AJAP1: variants seen among roughly 807,000 people sequenced by gnomAD.
AJAP1 encodes adherens junctions associated protein 1, also known as adherens junction-associated protein 1.
AJAP1 carries 5 observed loss-of-function variants against 35.0 expected under a neutral mutation model. The ratio of observed to expected loss-of-function variants is 0.14; its 90% CI spans 0.07 to 0.30. AJAP1 has a LOEUF of 0.30. Among genes scored for constraint, AJAP1 ranks in the 10% least tolerant of loss-of-function variants. The pLI is 1.00. For missense variants in AJAP1, 586 were observed against 571.0 expected, an observed-to-expected ratio of 1.03 and a Z score of -0.27; for synonymous variants, 284 against 249.3, an observed-to-expected ratio of 1.14 and a Z score of -1.31.
At position 4,712,332 on chromosome 1, in the gene AJAP1, G is replaced by A. The variant is rs765757243; in HGVS notation, c.462G>A (p.Arg154=). Residue 154 remains arginine (R), a synonymous_variant, in exon 2 of 6, where the codon AGG becomes AGA. Coordinates refer to ENST00000378191, the MANE Select transcript of AJAP1 (RefSeq NM_018836.4). Reference sequence around the variant, plus strand: ...CGGAGCAGCAGGCCCTCCTGAGGAGGGGCAAGAGGCACCTGCAGGGGGACG... The same window carrying A: ...CGGAGCAGCAGGCCCTCCTGAGGAGAGGCAAGAGGCACCTGCAGGGGGACG... ...GAPEQQALLR[R]GKRHLQGDGL... is the part of the protein sequence containing the mutation. 1.4e-5 allele frequency: 21 copies of A among 1,494,122 alleles called. No homozygotes were observed. Among genetic ancestry groups the A allele is most frequent in the Non-Finnish European group, 1.7e-5 (19 of 1,120,076 alleles). 92.6% of individuals were successfully genotyped at this position (1,494,122 alleles called of 1,614,324 possible).
chr1:4,721,803 C>T (rs1175073916), intron 2 of AJAP1, among the ~76,000 whole-genome samples: 1 of 152,214 alleles, frequency 6.6e-6, no homozygotes, highest in Non-Finnish European at 1.5e-5. Flanking sequence ...CCTTTACACA[C>T]TGCCAATGCA....
rs1300565845 is a variant in AJAP1 at position 4,789,516 on chromosome 1, TA to T, written c.*7033del. 6.6e-6 allele frequency: 1 copy of T among 152,240 alleles called. No homozygotes were observed. Among genetic ancestry groups the T allele is most frequent in the Non-Finnish European group, 1.5e-5 (1 of 68,038 alleles). 9.4% of individuals were successfully genotyped at this position (152,240 alleles called of 1,614,324 possible). A position where few individuals can be genotyped will look rare whatever the true frequency, so the allele number is the denominator to read the frequency against. On this transcript the variant is annotated 3_prime_UTR_variant, in exon 6 of 6. Coordinates refer to ENST00000378191, the MANE Select transcript of AJAP1 (RefSeq NM_018836.4). This position sits in a 1 kb window ranked among gnomAD's most constrained non-coding sequence, Gnocchi z 4.4. ...CCTGGAGACCCGGGTTTTCATTTTG[TA>T]ATTCAACACCCAAATATTTGCAACA...
chr1:4,779,821 G>A (rs1268586363), intron 5 of AJAP1, among the ~76,000 whole-genome samples: 1 of 152,012 alleles, frequency 6.6e-6, no homozygotes, highest in African/African-American at 2.4e-5. Flanking sequence ...AAGAAAAATT[G>A]TAATTGTAGT....
Position 4,700,770 on chromosome 1 carries a change from GCT to G in AJAP1, c.30-11128_30-11127del, listed in dbSNP as rs1340516491. ...GCTGCCCAGCAGCCGAGGCTGCACT[GCT>G]CACATCCTGAGTGCTGCCCAGAGAG... On this transcript the variant is annotated intron_variant, in intron 1 of 5. Coordinates refer to ENST00000378191, the MANE Select transcript of AJAP1 (RefSeq NM_018836.4). Among the ~76,000 whole-genome samples the G allele has an allele frequency of 2.0e-5, 3 of 152,322 alleles. No individual in the cohort carries two copies. In the East Asian group the frequency reaches 5.8e-4, roughly 29 times the overall value.
chr1:4,763,010 GT>G (rs1641605926), intron 2 of AJAP1, among the ~76,000 whole-genome samples: 2 of 151,952 alleles, frequency 1.3e-5, no homozygotes, highest in African/African-American at 4.8e-5. Context: ...GAGAAGGGGT[GT>G]TAAAAGGAAA....
rs907742980 is a variant in AJAP1, at chr1:4,693,234, G to A, written c.30-18666G>A. Among the ~76,000 whole-genome samples, 1 of 152,144 alleles carries A rather than the reference G, an allele frequency of 6.6e-6. No individual in the cohort carries two copies. The highest frequency in any genetic ancestry group is 1.5e-5 in the Non-Finnish European group (1 of 68,022). ...CACCCGAGTGGGGAGGCGCCCATGGGAACTTTAGACACCAGGCCACTCAAC... is the reference window on the plus strand; with the variant it reads ...CACCCGAGTGGGGAGGCGCCCATGGAAACTTTAGACACCAGGCCACTCAAC... On this transcript the variant is annotated intron_variant, in intron 1 of 5. Transcript: ENST00000378191. This position sits in a 1 kb window ranked among gnomAD's most constrained non-coding sequence, Gnocchi z 4.4.
Position 4,769,946 on chromosome 1 carries a change from G to A in AJAP1, c.917+6G>A. The A allele has an allele frequency of 1.2e-6, 2 of 1,610,208 alleles. No individual in the cohort carries two copies. Among genetic ancestry groups the A allele is most frequent in the Non-Finnish European group, 1.7e-6 (2 of 1,176,654 alleles). On this transcript the variant is annotated splice_donor_region_variant and intron_variant, in intron 3 of 5. Coordinates refer to ENST00000378191, the MANE Select transcript of AJAP1 (RefSeq NM_018836.4). ...ACTCTTGTCTTAAAAAATTGGTAAG[G>A]CTCCTTGGGCCCTTCTGGCCCAGAA...
At chr1:4,711,830 A>G (rs1640247135) in intron 1 of AJAP1, 70 bp from the exon 2 acceptor site, 1 of 1,236,564 alleles carries the variant, frequency 8.1e-7, no homozygotes, top group African/African-American at 1.6e-5. Flanking sequence ...GTGGAGAGAG[A>G]GGGCCCCGGG....
At chr1:4,718,880 C>G (rs1202820112) in intron 2 of AJAP1, among the ~76,000 whole-genome samples, 1 of 152,112 alleles carries the variant, frequency 6.6e-6, no homozygotes, top group African/African-American at 2.4e-5. Context: ...TCAGGAGTTT[C>G]CAGCAAGAAG....
At chr1:4,769,118 G>A (rs1025756891) in intron 2 of AJAP1, among the ~76,000 whole-genome samples, 1 of 152,112 alleles carries the variant, frequency 6.6e-6, no homozygotes. Flanking sequence ...CGATTCCAGT[G>A]CCCCCCACCT....
chr1:4,712,821 G>A (rs560430871), intron 2 of AJAP1, 122 bp downstream of exon 2: 35 of 1,066,106 alleles, frequency 3.3e-5, no homozygotes, highest in African/African-American at 4.8e-5. Context: ...AGATGCAGGC[G>A]TGATGTGTCC....
At chr1:4,752,676 T>G (rs918335867) in intron 2 of AJAP1, among the ~76,000 whole-genome samples, 6 of 152,176 alleles carry the variant, frequency 3.9e-5, no homozygotes, top group Admixed American at 3.9e-4. Context: ...CAGGACTGTC[T>G]TGCTCCCCTG....
rs1009629600 is a variant in AJAP1 at position 4,730,224 on chromosome 1, A to G, written c.829+17525A>G. ...CGTTTATTTAACATCCTATTAGAGG[A>G]GGAGACAGGGAGCAAACAAGCTTGC... On this transcript the variant is annotated intron_variant, in intron 2 of 5. Transcript: ENST00000378191. Among the ~76,000 whole-genome samples the G allele has an allele frequency of 3.3e-5, 5 of 152,242 alleles. No individual in the cohort carries two copies. The South Asian group carries it at 1.0e-3, about 31-fold the overall frequency.
In AJAP1 at chr1:4,772,142, G is replaced by A. The variant is rs111469163; in HGVS notation, c.918-138G>A. ...TGATTGTGGTTGATCTTTCTGAAGA[G>A]GCTGGGAATTACCGTTTAATATGAA... On this transcript the variant is annotated intron_variant, in intron 3 of 5. Transcript: ENST00000378191. 1,770 of 1,081,800 alleles carry A rather than the reference G, an allele frequency of 1.6e-3. 3 individuals are homozygous for A. Among genetic ancestry groups the A allele is most frequent in the Non-Finnish European group, 1.9e-3 (1,433 of 756,894 alleles). The allele number at this position is 1,081,800 out of a possible 1,614,324, so 67.0% of individuals were successfully genotyped here.
chr1:4,750,010 GTGTGTCTGTGTGTGCATGTGTT>G (rs1376390924), intron 2 of AJAP1, among the ~76,000 whole-genome samples: 1 of 151,084 alleles, frequency 6.6e-6, no homozygotes, highest in Non-Finnish European at 1.5e-5. Context: ...CCATGTGTTT[GTGTGTCTGTGTGTGCATGTGTT>G]TGTGTGTGTG....
rs776174686 is a variant in AJAP1 at position 4,774,496 on chromosome 1, C to G, written c.1233C>G (p.Cys411Trp). ...CTGAGAAATGGTTTGAAATCTCCTGCTGACTGGCCGAAGTCTTTTTTACCT... is the reference window on the plus strand; with the variant it reads ...CTGAGAAATGGTTTGAAATCTCCTGGTGACTGGCCGAAGTCTTTTTTACCT... ...FVSEKWFEIS[C>W] Residue 411 changes from cysteine to tryptophan, a missense_variant, in exon 5 of 6, where the codon TGC becomes TGG. Physicochemically the swap from Cys to Trp is radical, Grantham distance 215. Transcript: ENST00000378191. 1 of 1,614,020 alleles carries G rather than the reference C, an allele frequency of 6.2e-7. No homozygotes were observed.
At chr1:4,753,863 C>A (rs117177956) in intron 2 of AJAP1, among the ~76,000 whole-genome samples, 3 of 152,342 alleles carry the variant, frequency 2.0e-5, no homozygotes, top group South Asian at 2.1e-4. Context: ...TGAGCCACTA[C>A]GCCTGGCCTA....
intron 1 of AJAP1, among the ~76,000 whole-genome samples, chr1:4,677,026 G>A (rs747297995): frequency 2.4e-4 from 37 of 152,298 alleles, no homozygotes; most frequent in Middle Eastern, 3.4e-3. Flanking sequence ...GTGTGGTGGC[G>A]TGTGCCTGTA....
chr1:4,771,166 C>G (rs1641826061), intron 3 of AJAP1, among the ~76,000 whole-genome samples: 1 of 152,148 alleles, frequency 6.6e-6, no homozygotes. Flanking sequence ...CTTCAAAGAG[C>G]CCTTTGGGAG....
Sources: allele counts gnomAD v4.1 joint callset (sites outside exome capture counted in the v4.1 genomes callset), GRCh38; gene constraint gnomAD v4.1.1; non-coding constraint Gnocchi (gnomAD v3.1); transcripts MANE v1.5; gene names NCBI Gene and HGNC (gene_info 2026-07-23, HGNC 2026-07-21).